The following SWAP70 variants were observed in gnomAD, a reference collection of about 807,000 sequenced individuals.
SWAP70 encodes the protein switching B cell complex subunit SWAP70, also known as switch-associated protein 70.
A neutral mutation model predicts 80.2 loss-of-function variants in SWAP70; 34 were observed. The observed-to-expected ratio is 0.42, with a 90% CI of 0.32 to 0.56. The LOEUF is 0.56. Ranked by LOEUF, SWAP70 falls within the 20% of genes least tolerant of loss-of-function variation. The pLI is 0.09. For synonymous variants in SWAP70, 239 were observed against 238.5 expected, an observed-to-expected ratio of 1.00 and a Z score of -0.02; for missense variants, 578 against 690.7, an observed-to-expected ratio of 0.84 and a Z score of 1.83.
intron 1 of SWAP70, among the ~76,000 whole-genome samples, chr11:9,673,702 G>A (rs1401205902): frequency 1.3e-5 from 2 of 152,104 alleles, no homozygotes; most frequent in African/African-American, 4.8e-5. Context: ...TGAAGGTCTT[G>A]TGGCCTTCAA....
At chr11:9,701,894 T>C (rs1850837969) in intron 2 of SWAP70, among the ~76,000 whole-genome samples, 1 of 152,192 alleles carries the variant, frequency 6.6e-6, no homozygotes, top group African/African-American at 2.4e-5. Context: ...AGTCCAAATC[T>C]TGTCATTTCT....
rs1373438178 is a variant in SWAP70, at chr11:9,664,133, G to A, written c.-47G>A. On this transcript the variant is annotated 5_prime_UTR_variant, in exon 1 of 12. Transcript: ENST00000318950. ...GGTTGAGGGGCGTCCGAGGCGCGGA[G>A]GGGCTGGCTGGGCAGGAGGGGTTGG... 2 of 1,519,544 alleles carry A rather than the reference G, an allele frequency of 1.3e-6. No individual in the cohort carries two copies. Among genetic ancestry groups the A allele is most frequent in the Non-Finnish European group, 1.8e-6 (2 of 1,131,794 alleles). 94.1% of individuals were successfully genotyped at this position (1,519,544 alleles called of 1,614,324 possible).
intron 4 of SWAP70, 147 bp from the exon 5 acceptor site, chr11:9,727,906 T>C: frequency 1.2e-6 from 1 of 829,078 alleles, no homozygotes; most frequent in Non-Finnish European, 1.8e-6. Flanking sequence ...TGCCCCTCCA[T>C]AGATTCTCAG....
At chr11:9,706,070 T>C (rs1457055168) in intron 2 of SWAP70, among the ~76,000 whole-genome samples, 1 of 26,896 alleles carries the variant, frequency 3.7e-5, no homozygotes, top group East Asian at 1.7e-3. Context: ...CTTGGTGATC[T>C]GTATACACTG....
intron 4 of SWAP70, among the ~76,000 whole-genome samples, chr11:9,725,569 A>ATTTT (rs746391271): frequency 6.8e-4 from 18 of 26,598 alleles, no homozygotes; most frequent in South Asian, 1.7e-3. Flanking sequence ...ATATATATAT[A>ATTTT]TTTTTTTTTT....
intron 2 of SWAP70, among the ~76,000 whole-genome samples, chr11:9,699,868 A>ATG (rs1850809572): frequency 3.2e-5 from 2 of 62,938 alleles, no homozygotes; most frequent in Non-Finnish European, 6.9e-5. Flanking sequence ...TATAGTGTGT[A>ATG]TATATATATA....
intron 9 of SWAP70, chr11:9,741,208 A>T (rs997140874): frequency 2.6e-5 from 4 of 152,230 alleles, no homozygotes; most frequent in Non-Finnish European, 4.4e-5. Context: ...ATCTTTAGAT[A>T]GGAAGAGAAA....
At chr11:9,685,596 TC>T (rs1440455281) in intron 1 of SWAP70, among the ~76,000 whole-genome samples, 1 of 143,556 alleles carries the variant, frequency 7.0e-6, no homozygotes, top group Non-Finnish European at 1.6e-5. Context: ...TTGCGAGAGT[TC>T]CGCTCTCTTG....
intron 3 of SWAP70, among the ~76,000 whole-genome samples, chr11:9,722,714 T>C (rs1399151917): frequency 6.6e-6 from 1 of 152,142 alleles, no homozygotes; most frequent in Non-Finnish European, 1.5e-5. Flanking sequence ...GGGAATGACA[T>C]AAAGCATAAG....
At chr11:9,675,367 GA>G (rs1850480465) in intron 1 of SWAP70, among the ~76,000 whole-genome samples, 4 of 38,366 alleles carry the variant, frequency 1.0e-4, no homozygotes, top group Non-Finnish European at 1.3e-4. Context: ...GAGAGAGAGA[GA>G]GAGAGAGAGA....
chr11:9,724,715 C>A lies in SWAP70; in HGVS notation c.472C>A (p.Gln158Lys). The stretch of plus-strand genomic sequence containing the variant: ...TATGGGAGGAGGTTGGCAGCAAGAA[C>A]AATTTGAACATTATAAAATCAACTT... ...EAMGGGWQQE[Q>K]FEHYKINFDD... is the part of the protein sequence containing the mutation. The change falls in exon 4 of 12, where the codon CAA becomes AAA. Residue 158 changes from glutamine (Q) to lysine (K), a missense_variant. By Grantham distance (53) the Gln-to-Lys change is moderately conservative. Coordinates refer to ENST00000318950, the MANE Select transcript of SWAP70 (RefSeq NM_015055.4). 6.2e-7 allele frequency: 1 copy of A among 1,614,064 alleles called. No homozygotes were observed. Among genetic ancestry groups the A allele is most frequent in the Middle Eastern group, 1.7e-4 (1 of 6,060 alleles).
chr11:9,716,290 G>A (rs1851065190), intron 3 of SWAP70, among the ~76,000 whole-genome samples: 1 of 152,188 alleles, frequency 6.6e-6, no homozygotes, highest in African/African-American at 2.4e-5. Context: ...CTAAAATACA[G>A]CGAGAATGGA....
At position 9,724,697 on chromosome 11, in the gene SWAP70, G is replaced by A; in HGVS notation, c.454G>A (p.Gly152Arg). ...LLKKLTEAMG[G>R]GWQQEQFEHY... Reference sequence around the variant, plus strand: ...TAAGAAGCTTACAGAAGCTATGGGAGGAGGTTGGCAGCAAGAACAATTTGA... The same window carrying A: ...TAAGAAGCTTACAGAAGCTATGGGAAGAGGTTGGCAGCAAGAACAATTTGA... The change falls in exon 4 of 12, where the codon GGA becomes AGA. Residue 152 changes from glycine to arginine, a missense_variant. Transcript: ENST00000318950. 6.2e-7 allele frequency: 1 copy of A among 1,614,052 alleles called. No individual in the cohort carries two copies. The highest frequency in any genetic ancestry group is 8.5e-7 in the Non-Finnish European group (1 of 1,179,946).
chr11:9,675,714 TTTCTCCTTCC>T (rs57717647), intron 1 of SWAP70, among the ~76,000 whole-genome samples: 98,816 of 151,108 alleles, frequency 0.65, 32,641 homozygotes, highest in South Asian at 0.83. Flanking sequence ...CTTGATTTTT[TTTCTCCTTCC>T]TTCTCCTGCA....
At position 9,730,286 on chromosome 11, in the gene SWAP70, C is replaced by T. The variant is rs183004849; in HGVS notation, c.898+835C>T. On this transcript the variant is annotated intron_variant, in intron 6 of 11. Coordinates refer to ENST00000318950, the MANE Select transcript of SWAP70 (RefSeq NM_015055.4). ...CGGGTGGATCATGAAGTTGGGAGAT[C>T]GAGACCATCCTGGCTAACACGGTGA... Among the ~76,000 whole-genome samples, 745 of 145,572 alleles carry T rather than the reference C, an allele frequency of 5.1e-3. 4 individuals are homozygous for T. Among genetic ancestry groups the T allele is most frequent in the African/African-American group, 0.018 (710 of 39,086 alleles).
chr11:9,688,922 T>C (rs1029097396), intron 1 of SWAP70, among the ~76,000 whole-genome samples: 6 of 151,674 alleles, frequency 4.0e-5, no homozygotes, highest in Non-Finnish European at 7.4e-5. Flanking sequence ...AAATTGGTCA[T>C]GCTGGTCCAT....
intron 2 of SWAP70, among the ~76,000 whole-genome samples, chr11:9,704,422 T>A (rs1455741805): frequency 1.3e-5 from 2 of 151,638 alleles, no homozygotes; most frequent in African/African-American, 2.4e-5. Flanking sequence ...TTTGAGACAC[T>A]CTTTCTGTGT....
In SWAP70 at chr11:9,701,423, C is replaced by T. The variant is rs923368426; in HGVS notation, c.240+7137C>T. 5.3e-5 allele frequency among the ~76,000 whole-genome samples: 8 copies of T among 151,908 alleles called. No homozygotes were observed. The East Asian group carries it at 9.7e-4, about 19-fold the overall frequency. On this transcript the variant is annotated intron_variant, in intron 2 of 11. Transcript: ENST00000318950. Reference sequence around the variant, plus strand: ...CTGACCTCAGGTGATCCACCTGCCTCGGCCTCCCAAAATGCTGGGATTATA... The same window carrying T: ...CTGACCTCAGGTGATCCACCTGCCTTGGCCTCCCAAAATGCTGGGATTATA...
chr11:9,712,078 T>C (rs932841892), intron 2 of SWAP70, among the ~76,000 whole-genome samples: 1 of 152,196 alleles, frequency 6.6e-6, no homozygotes, highest in Admixed American at 6.5e-5. Context: ...CCTGTCACTC[T>C]TTCTGCGAAT....
Sources: allele counts gnomAD v4.1 joint callset (sites outside exome capture counted in the v4.1 genomes callset), GRCh38; gene constraint gnomAD v4.1.1; transcripts MANE v1.5; gene names NCBI Gene and HGNC (gene_info 2026-07-23, HGNC 2026-07-21).